PRIM2: variants seen among roughly 807,000 people sequenced by gnomAD.
The protein encoded by PRIM2 is DNA primase large subunit.
A neutral mutation model predicts 67.3 loss-of-function variants in PRIM2; 39 were observed. The ratio of observed to expected loss-of-function variants is 0.58; its 90% CI spans 0.45 to 0.76. PRIM2 has a LOEUF of 0.76. PRIM2 is among the 30% of genes least tolerant of loss of function. The pLI is 0.00. For missense variants in PRIM2, 398 were observed against 598.7 expected, an observed-to-expected ratio of 0.66 and a Z score of 3.50; for synonymous variants, 143 against 198.7, an observed-to-expected ratio of 0.72 and a Z score of 2.36.
intron 5 of PRIM2, among the ~76,000 whole-genome samples, chr6:57,364,480 A>G (rs919107433): frequency 1.3e-5 from 2 of 152,138 alleles, no homozygotes; most frequent in African/African-American, 2.4e-5. Context: ...TCCACACCAT[A>G]TATACTTTGG....
the PRIM2 span, among the ~76,000 whole-genome samples, chr6:57,283,050 GGCACA>G: frequency 1.1e-4 from 16 of 151,624 alleles, no homozygotes; most frequent in African/African-American, 3.9e-4. Flanking sequence ...ACCCCTTATT[GGCACA>G]GCTATTACTC....
At chr6:57,575,928 G>A (rs1430107941) in intron 10 of PRIM2, among the ~76,000 whole-genome samples, 1 of 152,082 alleles carries the variant, frequency 6.6e-6, no homozygotes, top group African/African-American at 2.4e-5. Context: ...ACAAGCAAAC[G>A]CCACCACCCC....
intron 10 of PRIM2, among the ~76,000 whole-genome samples, chr6:57,563,566 C>A (rs1182598286): frequency 6.6e-6 from 1 of 152,186 alleles, no homozygotes; most frequent in Non-Finnish European, 1.5e-5. Flanking sequence ...TACTTAATGG[C>A]AGATTGTACT....
intron 10 of PRIM2, among the ~76,000 whole-genome samples, chr6:57,596,747 A>G (rs1274577831): frequency 3.4e-5 from 5 of 148,512 alleles, no homozygotes; most frequent in African/African-American, 4.9e-5. Context: ...TACTGAGGCA[A>G]TTTTTGAAAG....
At chr6:57,221,689 CCT>C in the PRIM2 span, 1 of 152,334 alleles carries the variant, frequency 6.6e-6, no homozygotes, top group Non-Finnish European at 1.5e-5. Flanking sequence ...TCGCTCCACC[CCT>C]CTTTCCCGCC....
chr6:57,390,595 A>G (rs1770307377), intron 7 of PRIM2, among the ~76,000 whole-genome samples: 2 of 152,078 alleles, frequency 1.3e-5, no homozygotes, highest in Admixed American at 1.3e-4. Flanking sequence ...TGTGTGTGCA[A>G]GAGTTCTCAT....
intron 7 of PRIM2, among the ~76,000 whole-genome samples, chr6:57,488,896 T>G (rs1773814152): frequency 6.6e-6 from 1 of 152,264 alleles, no homozygotes; most frequent in South Asian, 2.1e-4. Flanking sequence ...TTGCCAGATA[T>G]AGCAGTGAGG....
chr6:57,461,327 C>T (rs1194197695), intron 7 of PRIM2, among the ~76,000 whole-genome samples: 169 of 152,280 alleles, frequency 1.1e-3, no homozygotes, highest in Non-Finnish European at 5.7e-4. Flanking sequence ...CATGCTCCTT[C>T]ACCTGCTCTG....
the PRIM2 span, among the ~76,000 whole-genome samples, chr6:57,284,791 G>A: frequency 1.3e-5 from 2 of 152,012 alleles, no homozygotes; most frequent in Admixed American, 1.3e-4. Flanking sequence ...GAAATAATTG[G>A]ACAAGCATAC....
the PRIM2 span, among the ~76,000 whole-genome samples, chr6:57,301,190 T>G: frequency 6.6e-6 from 1 of 152,116 alleles, no homozygotes; most frequent in Non-Finnish European, 1.5e-5. Context: ...ATGGTAGTCT[T>G]AAGAATGGGA....
intron 5 of PRIM2, among the ~76,000 whole-genome samples, chr6:57,342,875 T>C (rs1445501798): frequency 3.3e-5 from 5 of 152,364 alleles, no homozygotes; most frequent in Admixed American, 3.3e-4. Flanking sequence ...AAAGTAGTTT[T>C]TCTTATCCTG....
intron 9 of PRIM2, among the ~76,000 whole-genome samples, chr6:57,536,599 C>T (rs1409111066): frequency 1.3e-5 from 2 of 152,154 alleles, no homozygotes; most frequent in Admixed American, 1.3e-4. Context: ...CCCAAGTGTT[C>T]TTCAATGAGT....
intron 12 of PRIM2, among the ~76,000 whole-genome samples, chr6:57,616,689 A>C (rs1776763402): frequency 6.6e-6 from 1 of 151,988 alleles, no homozygotes; most frequent in African/African-American, 2.4e-5. Context: ...TAACTATTTT[A>C]AAATGTACAA....
intron 12 of PRIM2, among the ~76,000 whole-genome samples, chr6:57,612,672 G>A (rs1348298319): frequency 1.3e-5 from 2 of 152,078 alleles, no homozygotes; most frequent in East Asian, 1.9e-4. Context: ...ATGATAAAAG[G>A]AAATATATTT....
chr6:57,330,354 TTTTTTTG>T (rs1768011782), intron 5 of PRIM2, among the ~76,000 whole-genome samples: 1 of 116,820 alleles, frequency 8.6e-6, no homozygotes, highest in South Asian at 3.0e-4. Context: ...ACTTGTTTTT[TTTTTTTG>T]TTTTTGTTTT....
intron 2 of PRIM2, 108 bp from the exon 3 acceptor site, chr6:57,320,349 C>T: frequency 3.0e-6 from 2 of 660,962 alleles, no homozygotes; most frequent in Non-Finnish European, 5.0e-6. Context: ...TGGCAATTAC[C>T]TGTCATGTTC....
intron 10 of PRIM2, among the ~76,000 whole-genome samples, chr6:57,574,139 C>T (rs1272924862): frequency 6.6e-6 from 1 of 152,110 alleles, no homozygotes; most frequent in Admixed American, 6.5e-5. Flanking sequence ...ATGATTGGTC[C>T]ATTTTAGGAC....
chr6:57,460,264 T>G (rs1293039015), intron 7 of PRIM2, among the ~76,000 whole-genome samples: 1 of 152,156 alleles, frequency 6.6e-6, no homozygotes, highest in African/African-American at 2.4e-5. Context: ...GAAAAAATGT[T>G]CTAATTTGCC....
At chr6:57,494,950 C>A (rs1773972863) in intron 7 of PRIM2, among the ~76,000 whole-genome samples, 1 of 152,042 alleles carries the variant, frequency 6.6e-6, no homozygotes, top group African/African-American at 2.4e-5. Context: ...ATTTCATAAT[C>A]AATGGTTTGT....
Sources: gnomAD v4.1 joint callset for allele counts (sites outside exome capture counted in the v4.1 genomes callset) on GRCh38, gnomAD v4.1.1 for gene constraint, MANE v1.5 for transcripts, NCBI Gene and HGNC (gene_info 2026-07-23, HGNC 2026-07-21) for gene names.